LDLRAP1: variants seen among roughly 807,000 people sequenced by gnomAD.
LDLRAP1 encodes the protein low density lipoprotein receptor adapter protein 1.
In LDLRAP1, 30 loss-of-function variants were observed where a neutral mutation model predicts 37.8. That is an observed-to-expected ratio of 0.79 (90% CI 0.59 to 1.08). LDLRAP1 has a LOEUF of 1.08. LDLRAP1 is among the 50% of genes least tolerant of loss of function. The probability of loss-of-function intolerance (pLI) is 0.00; values close to 1 mark genes in which losing one functional copy is unlikely to be tolerated. For missense variants in LDLRAP1, 375 were observed against 401.6 expected, an observed-to-expected ratio of 0.93 and a Z score of 0.57; for synonymous variants, 156 against 169.8, an observed-to-expected ratio of 0.92 and a Z score of 0.63.
At chr1:25,545,689 C>G (rs190464842) in intron 1 of LDLRAP1, among the ~76,000 whole-genome samples, 88 of 152,280 alleles carry the variant, frequency 5.8e-4, no homozygotes, top group African/African-American at 1.9e-3. Flanking sequence ...GCCTCTGGAT[C>G]TGAAGGAGGG....
At chr1:25,563,889 G>T (rs987214975) in intron 7 of LDLRAP1, 98 bp downstream of exon 7, 2 of 1,540,556 alleles carry the variant, frequency 1.3e-6, no homozygotes, top group Non-Finnish European at 1.8e-6. Context: ...CCCGTGACTT[G>T]TGGGCCTCTG....
intron 1 of LDLRAP1, among the ~76,000 whole-genome samples, chr1:25,545,003 G>T (rs1305504506): frequency 1.3e-5 from 2 of 152,248 alleles, no homozygotes; most frequent in African/African-American, 4.8e-5. Context: ...CCTCCCAGCT[G>T]AGACTGGCAT....
chr1:25,571,313 T>C (rs1243581023), downstream of LDLRAP1, among the ~76,000 whole-genome samples: 1 of 152,204 alleles, frequency 6.6e-6, no homozygotes, highest in Non-Finnish European at 1.5e-5. Context: ...ATGCCTAGTT[T>C]AGAACTCCAC....
the LDLRAP1 span, among the ~76,000 whole-genome samples, chr1:25,583,865 C>T: frequency 6.6e-6 from 1 of 152,162 alleles, no homozygotes; most frequent in Non-Finnish European, 1.5e-5. Flanking sequence ...CTGGACATTT[C>T]ATATAAATGG....
chr1:25,571,352 T>C (rs1166835327), downstream of LDLRAP1, among the ~76,000 whole-genome samples: 1 of 152,216 alleles, frequency 6.6e-6, no homozygotes, highest in African/African-American at 2.4e-5. Context: ...ATTGAGACCC[T>C]GCTTTGTCCC....
In LDLRAP1 at chr1:25,544,127, G is replaced by A. The variant is rs968304381; in HGVS notation, c.88+341G>A. 2.0e-5 allele frequency among the ~76,000 whole-genome samples: 3 copies of A among 152,136 alleles called. No individual in the cohort carries two copies. Among genetic ancestry groups the A allele is most frequent in the Non-Finnish European group, 4.4e-5 (3 of 67,986 alleles). ...CCCGCCCTGCTGTCCTGGCCAGCTA[G>A]GGGGAGGCAGGCGCTCGTCGTCGGT... On this transcript the variant is annotated intron_variant, in intron 1 of 8. Transcript: ENST00000374338. The surrounding 1 kb of genome is among the most constrained non-coding windows in gnomAD (Gnocchi z 4.8).
At chr1:25,587,820 A>G in the LDLRAP1 span, among the ~76,000 whole-genome samples, 1 of 152,324 alleles carries the variant, frequency 6.6e-6, no homozygotes, top group South Asian at 2.1e-4. Flanking sequence ...ACCGCATATC[A>G]GTAACCTTAT....
intron 8 of LDLRAP1, among the ~76,000 whole-genome samples, chr1:25,565,543 G>C (rs866458251): frequency 3.2e-4 from 48 of 150,752 alleles, no homozygotes; most frequent in African/African-American, 1.1e-3. Context: ...TCAAAAATGG[G>C]CTTTTTTTTT....
At chr1:25,562,142 A>G (rs77050091) in intron 4 of LDLRAP1, among the ~76,000 whole-genome samples, 3 of 152,168 alleles carry the variant, frequency 2.0e-5, no homozygotes, top group African/African-American at 4.8e-5. Context: ...TATGGTCCCA[A>G]CCGGAACCTA....
At chr1:25,543,867 C>G (rs2043863929) in intron 1 of LDLRAP1, 81 bp downstream of exon 1, 1 of 926,866 alleles carries the variant, frequency 1.1e-6, no homozygotes, top group South Asian at 5.3e-5. Flanking sequence ...GGAGTGCGGC[C>G]AAGTTGGGCA....
intron 4 of LDLRAP1, among the ~76,000 whole-genome samples, chr1:25,559,442 C>CGAGGAAAACAGAG (rs2044291219): frequency 6.6e-6 from 1 of 152,194 alleles, no homozygotes; most frequent in Admixed American, 6.5e-5. Flanking sequence ...AGGTCAGTTA[C>CGAGGAAAACAGAG]GAGGAAAACA....
the LDLRAP1 span, chr1:25,581,857 G>A: frequency 6.6e-6 from 1 of 152,292 alleles, no homozygotes. Flanking sequence ...GCCCCGTAGG[G>A]CTCAGGTTCA....
chr1:25,543,670 G>GGCA lies in LDLRAP1; in HGVS notation c.-26_-24dup. The GGCA allele has an allele frequency of 1.7e-6, 2 of 1,208,754 alleles. No homozygotes were observed. The highest frequency in any genetic ancestry group is 1.0e-6 in the Non-Finnish European group (1 of 972,390). The allele number at this position is 1,208,754 out of a possible 1,614,324, so 74.9% of individuals were successfully genotyped here. ...TTTTTCCTGACGGAGTTTTGGCTGC[G>GGCA]GCAGCGGCGGCGGCGGCCGGAGCGG... is the stretch of plus-strand genomic sequence containing the variant. On this transcript the variant is annotated 5_prime_UTR_variant, in exon 1 of 9. Transcript: ENST00000374338.
At chr1:25,573,644 C>T (rs149227686), downstream of LDLRAP1, among the ~76,000 whole-genome samples, 43 of 152,296 alleles carry the variant, frequency 2.8e-4, no homozygotes, top group African/African-American at 9.9e-4. Flanking sequence ...GAGGTTAGCC[C>T]GGAGAAAACC....
downstream of LDLRAP1, among the ~76,000 whole-genome samples, chr1:25,573,661 C>G (rs2044634701): frequency 6.6e-6 from 1 of 152,206 alleles, no homozygotes; most frequent in Non-Finnish European, 1.5e-5. Flanking sequence ...AACCTGGCTG[C>G]CACACCTATG....
In LDLRAP1 at chr1:25,544,195, C is replaced by T. The variant is rs1425959811; in HGVS notation, c.88+409C>T. Among the ~76,000 whole-genome samples the T allele has an allele frequency of 2.0e-5, 3 of 152,122 alleles. No homozygotes were observed. The highest frequency in any genetic ancestry group is 2.0e-4 in the Admixed American group (3 of 15,292). ...AGGGCGCAGGGGCTTGGGAAGACGC[C>T]CCCGTCCCGCACCCCTGCGCCCCAG... On this transcript the variant is annotated intron_variant, in intron 1 of 8. Transcript: ENST00000374338. This position sits in a 1 kb window ranked among gnomAD's most constrained non-coding sequence, Gnocchi z 4.8.
intron 3 of LDLRAP1, among the ~76,000 whole-genome samples, chr1:25,556,283 AACG>A (rs2044197328): frequency 6.6e-6 from 1 of 152,268 alleles, no homozygotes; most frequent in African/African-American, 2.4e-5. Context: ...GACTGGAGGC[AACG>A]AGGAGGGACC....
intron 6 of LDLRAP1, 60 bp downstream of exon 6, chr1:25,563,213 G>C: frequency 6.8e-7 from 1 of 1,470,326 alleles, no homozygotes. Flanking sequence ...CTTCACCCAG[G>C]GGGGTCCCAC....
the LDLRAP1 span, among the ~76,000 whole-genome samples, chr1:25,588,414 T>C: frequency 6.6e-6 from 1 of 152,236 alleles, no homozygotes; most frequent in African/African-American, 2.4e-5. Flanking sequence ...TCTCCTGAGA[T>C]AAGGGAAAAC....
Sources: allele counts gnomAD v4.1 joint callset (sites outside exome capture counted in the v4.1 genomes callset), GRCh38; gene constraint gnomAD v4.1.1; non-coding constraint Gnocchi (gnomAD v3.1); transcripts MANE v1.5; gene names NCBI Gene and HGNC (gene_info 2026-07-23, HGNC 2026-07-21).